SORCS2: variants seen among roughly 807,000 people sequenced by gnomAD.
SORCS2 encodes VPS10 domain-containing receptor SorCS2.
A neutral mutation model predicts 141.6 loss-of-function variants in SORCS2; 100 were observed. That is an observed-to-expected ratio of 0.71 (90% confidence interval 0.60 to 0.83). SORCS2 has a LOEUF of 0.83. Among genes scored for constraint, SORCS2 ranks in the 40% least tolerant of loss-of-function variants. The pLI is 0.00. For missense variants in SORCS2, 1,646 were observed against 1,560.2 expected (o/e 1.05, Z -0.93); for synonymous variants, 789 against 676.9 (o/e 1.17, Z -2.57).
intron 2 of SORCS2, among the ~76,000 whole-genome samples, chr4:7,446,807 G>T (rs1001936347): frequency 6.6e-6 from 1 of 152,234 alleles, no homozygotes; most frequent in Non-Finnish European, 1.5e-5. Context: ...GAAACCCCGG[G>T]ACATGGAGAT....
At chr4:7,703,599 G>A (rs1725223530) in intron 13 of SORCS2, among the ~76,000 whole-genome samples, 1 of 152,184 alleles carries the variant, frequency 6.6e-6, no homozygotes, top group Non-Finnish European at 1.5e-5. Flanking sequence ...GGCACAGAGG[G>A]AGGCCCCACC....
intron 2 of SORCS2, among the ~76,000 whole-genome samples, chr4:7,441,553 C>G (rs73212527): frequency 0.31 from 47,520 of 151,742 alleles, 7,563 homozygotes; most frequent in Middle Eastern, 0.4. Flanking sequence ...CCCCTTTCCA[C>G]TCAGAGATTT....
At chr4:7,504,648 C>T (rs1577669330) in intron 2 of SORCS2, among the ~76,000 whole-genome samples, 1 of 152,182 alleles carries the variant, frequency 6.6e-6, no homozygotes, top group East Asian at 1.9e-4. Context: ...TCACACAGAG[C>T]CACATTTAGG....
intron 2 of SORCS2, among the ~76,000 whole-genome samples, chr4:7,488,009 C>T (rs1292783585): frequency 6.6e-6 from 1 of 152,208 alleles, no homozygotes; most frequent in Non-Finnish European, 1.5e-5. Context: ...CTGTCACCGC[C>T]TCCAGGAGCG....
intron 3 of SORCS2, among the ~76,000 whole-genome samples, chr4:7,595,571 G>C (rs546775796): frequency 7.1e-6 from 1 of 141,082 alleles, no homozygotes; most frequent in Admixed American, 7.3e-5. Context: ...TACGAAAGAC[G>C]TTCTTGTCAC....
chr4:7,613,924 C>T (rs989365238), intron 3 of SORCS2, among the ~76,000 whole-genome samples: 8 of 152,066 alleles, frequency 5.3e-5, no homozygotes, highest in Non-Finnish European at 7.4e-5. Flanking sequence ...ATCAAACATC[C>T]GTTCACTCAT....
At chr4:7,477,883 G>A (rs993699825) in intron 2 of SORCS2, among the ~76,000 whole-genome samples, 5 of 152,170 alleles carry the variant, frequency 3.3e-5, no homozygotes, top group African/African-American at 1.2e-4. Flanking sequence ...AGAGGGTGGT[G>A]GCCATTGCAC....
chr4:7,511,290 A>G (rs1239686334), intron 2 of SORCS2, among the ~76,000 whole-genome samples: 1 of 151,072 alleles, frequency 6.6e-6, no homozygotes, highest in Non-Finnish European at 1.5e-5. Context: ...AGAGAGAGAG[A>G]AGGAGGGAGA....
rs546092710 is a variant in SORCS2 at position 7,435,773 on chromosome 4, C to T, written c.548+39418C>T. ...GGCAAGAGAGTCAGCTGGGTGAGCA[C>T]GCACAGGCGCCTTGCGTCGGGTCCT... On this transcript the variant is annotated intron_variant, in intron 2 of 26. Coordinates refer to ENST00000507866, the MANE Select transcript of SORCS2 (RefSeq NM_020777.3). 2.6e-5 allele frequency among the ~76,000 whole-genome samples: 4 copies of T among 152,352 alleles called. No homozygotes were observed. The South Asian group carries it at 6.2e-4, about 24-fold the overall frequency.
In SORCS2 at chr4:7,715,711, G is replaced by T. The variant is rs373809631; in HGVS notation, c.2252+400G>T. ...TCTTTCTGAGCCTCTGCAGTGCTAGGACCCTTCTCCATTTACCGGTGCCCA... is the reference window on the plus strand; with the variant it reads ...TCTTTCTGAGCCTCTGCAGTGCTAGTACCCTTCTCCATTTACCGGTGCCCA... On this transcript the variant is annotated intron_variant, in intron 17 of 26. Coordinates refer to ENST00000507866, the MANE Select transcript of SORCS2 (RefSeq NM_020777.3). 2.8e-4 allele frequency among the ~76,000 whole-genome samples: 42 copies of T among 152,292 alleles called. No individual in the cohort carries two copies. The East Asian group carries it at 6.8e-3, about 24-fold the overall frequency.
intron 3 of SORCS2, among the ~76,000 whole-genome samples, chr4:7,538,351 G>C (rs1712296510): frequency 6.6e-6 from 1 of 152,122 alleles, no homozygotes; most frequent in African/African-American, 2.4e-5. Context: ...CCAAGGCCCT[G>C]GGGGCCCTGA....
rs897385056 is a variant in SORCS2, at chr4:7,714,314, G to A, written c.2064G>A (p.Arg688=). ...RKSTSWCIKG[R]SFTSALTSRV... ...CCACGTCCTGGTGCATCAAGGGGAG[G>A]AGCTTCACGTCGGCGCTCACGTCCC... Residue 688 remains arginine, a synonymous_variant, in exon 16 of 27, where the codon AGG becomes AGA. Transcript: ENST00000507866. 5 of 1,597,380 alleles carry A rather than the reference G, an allele frequency of 3.1e-6. No homozygotes were observed. The highest frequency in any genetic ancestry group is 1.1e-5 in the South Asian group (1 of 87,730).
intron 2 of SORCS2, among the ~76,000 whole-genome samples, chr4:7,519,442 A>T (rs908563087): frequency 6.6e-6 from 1 of 152,204 alleles, no homozygotes; most frequent in Non-Finnish European, 1.5e-5. Context: ...TTCTGACCCC[A>T]GACAAGTGAG....
At chr4:7,580,882 G>A (rs1263045912) in intron 3 of SORCS2, among the ~76,000 whole-genome samples, 1 of 152,112 alleles carries the variant, frequency 6.6e-6, no homozygotes, top group Non-Finnish European at 1.5e-5. Context: ...AAAGTTTACT[G>A]GGAGGCCTCC....
intron 1 of SORCS2, among the ~76,000 whole-genome samples, chr4:7,241,706 C>T (rs1426411510): frequency 6.6e-6 from 1 of 152,170 alleles, no homozygotes; most frequent in Non-Finnish European, 1.5e-5. Context: ...TAGTCTCTCC[C>T]TGGTTAAGGT....
chr4:7,596,044 T>G (rs142846626), intron 3 of SORCS2, among the ~76,000 whole-genome samples: 1 of 152,272 alleles, frequency 6.6e-6, no homozygotes, highest in East Asian at 1.9e-4. Flanking sequence ...CAAACCATGG[T>G]TCTAGCTGGC....
At position 7,548,519 on chromosome 4, in the gene SORCS2, G is replaced by A. The variant is rs577008795; in HGVS notation, c.648+16890G>A. Among the ~76,000 whole-genome samples the A allele has an allele frequency of 4.6e-5, 7 of 152,308 alleles. No homozygotes were observed. In the South Asian group the frequency reaches 1.2e-3, roughly 27 times the overall value. On this transcript the variant is annotated intron_variant, in intron 3 of 26. Coordinates refer to ENST00000507866, the MANE Select transcript of SORCS2 (RefSeq NM_020777.3). ...TCAGGGGGGTTGGTGGCATACAAGC[G>A]TTATCATCCCCACCTACAGACAAAG...
chr4:7,440,545 G>A (rs927975260), intron 2 of SORCS2, among the ~76,000 whole-genome samples: 1 of 152,262 alleles, frequency 6.6e-6, no homozygotes, highest in African/African-American at 2.4e-5. Flanking sequence ...CTCTGAATGA[G>A]GAGGGGCAGG....
At chr4:7,346,254 C>A (rs1720649693) in intron 1 of SORCS2, among the ~76,000 whole-genome samples, 1 of 152,160 alleles carries the variant, frequency 6.6e-6, no homozygotes, top group South Asian at 2.1e-4. Flanking sequence ...CAGTTTTATT[C>A]AGTTTATTTT....
Sources: allele counts gnomAD v4.1 joint callset (sites outside exome capture counted in the v4.1 genomes callset), GRCh38; gene constraint gnomAD v4.1.1; transcripts MANE v1.5; gene names NCBI Gene and HGNC (gene_info 2026-07-23, HGNC 2026-07-21).